The following MATR3 variants were observed in gnomAD, a reference collection of about 807,000 sequenced individuals.
MATR3 encodes matrin 3, also known as matrin-3.
A neutral mutation model predicts 85.5 loss-of-function variants in MATR3; 4 were observed. The observed-to-expected ratio is 0.05, with a 90% CI of 0.02 to 0.11. The LOEUF is 0.11. Among genes scored for constraint, MATR3 ranks in the 10% least tolerant of loss-of-function variants. MATR3 has a pLI of 1.00. For synonymous variants in MATR3, 336 were observed against 343.1 expected (o/e 0.98, Z 0.23); for missense variants, 685 against 1,016.1 (o/e 0.67, Z 4.43).
At chr5:139,299,259 A>G (rs1395631447) in intron 1 of MATR3, among the ~76,000 whole-genome samples, 6 of 152,240 alleles carry the variant, frequency 3.9e-5, no homozygotes, top group South Asian at 2.1e-4. Flanking sequence ...TTTTATTTAC[A>G]CAAGCATTGA....
intron 1 of MATR3, among the ~76,000 whole-genome samples, chr5:139,295,924 A>G (rs1754124809): frequency 1.3e-5 from 2 of 152,142 alleles, no homozygotes; most frequent in South Asian, 4.1e-4. Flanking sequence ...CCCAGGCTTA[A>G]GTAATCCTCC....
Position 139,321,057 on chromosome 5 carries a change from C to T in MATR3, c.1603-841C>T, listed in dbSNP as rs73255237. Among the ~76,000 whole-genome samples, 608 of 151,410 alleles carry T rather than the reference C, an allele frequency of 4.0e-3. 5 individuals are homozygous for T. The highest frequency in any genetic ancestry group is 0.014 in the African/African-American group (581 of 41,232). Reference sequence around the variant, plus strand: ...AGGCTGAGCCACCGCGCCCAGCCAGCTTATTACTTTTTTGCAGAGTGTATA... The same window carrying T: ...AGGCTGAGCCACCGCGCCCAGCCAGTTTATTACTTTTTTGCAGAGTGTATA... On this transcript the variant is annotated intron_variant, in intron 9 of 14. Coordinates refer to ENST00000394805, the MANE Select transcript of MATR3 (RefSeq NM_018834.6).
chr5:139,319,690 A>T (rs1287032851), intron 9 of MATR3, among the ~76,000 whole-genome samples, 189 bp downstream of exon 9: 1 of 151,808 alleles, frequency 6.6e-6, no homozygotes, highest in Non-Finnish European at 1.5e-5. Flanking sequence ...TCTATTAAAA[A>T]TACAAAAATT....
At chr5:139,282,587 T>A (rs897690441) in intron 3 of MATR3, among the ~76,000 whole-genome samples, 1 of 152,260 alleles carries the variant, frequency 6.6e-6, no homozygotes, top group African/African-American at 2.4e-5. Flanking sequence ...TTCCCATATA[T>A]ACCATACCCA....
rs199535878 is a variant in MATR3, at chr5:139,307,682, T to C, written c.267T>C (p.Ile89=). The change falls in exon 2 of 15, where the codon ATT becomes ATC. Residue 89 remains isoleucine, a synonymous_variant. Coordinates refer to ENST00000394805, the MANE Select transcript of MATR3 (RefSeq NM_018834.6). The surrounding 1 kb of genome is among the most constrained non-coding windows in gnomAD (Gnocchi z 4.4). The part of the protein sequence containing the change: ...SSHNLQSIFN[I]GSRGPLPLSS... ...ATAATTTGCAGTCTATATTTAACAT[T>C]GGAAGTAGAGGTCCACTCCCTTTAT... 11 of 1,614,050 alleles carry C rather than the reference T, an allele frequency of 6.8e-6. No individual in the cohort carries two copies. Among genetic ancestry groups the C allele is most frequent in the Non-Finnish European group, 2.5e-6 (3 of 1,180,024 alleles).
chr5:139,282,761 T>C (rs1753575522), intron 3 of MATR3: 1 of 152,240 alleles, frequency 6.6e-6, no homozygotes, highest in Non-Finnish European at 1.5e-5. Flanking sequence ...GATACCACAT[T>C]ACACTTAGGC....
At chr5:139,274,600 G>C (rs1021743966) in intron 1 of MATR3, among the ~76,000 whole-genome samples, 2 of 152,164 alleles carry the variant, frequency 1.3e-5, no homozygotes, top group Non-Finnish European at 2.9e-5. Flanking sequence ...GAAATTTGGG[G>C]ATGGCTGGAA....
At chr5:139,315,895 A>T (rs1184148920) in intron 4 of MATR3, 157 bp downstream of exon 4, 2 of 765,390 alleles carry the variant, frequency 2.6e-6, no homozygotes, top group East Asian at 5.4e-5. Context: ...TTTAGAATAT[A>T]TATTATGTAG....
rs1028418606 is a variant in MATR3 at position 139,316,941 on chromosome 5, A to T, written c.1130-112A>T. ...TTGCATGAAAAGTGATGGTAATCAT[A>T]TATTTGTAAGAGCTTTTCATTTGTG... On this transcript the variant is annotated intron_variant, in intron 5 of 14. Transcript: ENST00000394805. 2.9e-5 allele frequency: 23 copies of T among 805,770 alleles called. No homozygotes were observed. In the South Asian group the frequency reaches 3.4e-4, roughly 12 times the overall value. 49.9% of individuals were successfully genotyped at this position (805,770 alleles called of 1,614,324 possible).
chr5:139,284,338 C>T (rs766337565), intron 3 of MATR3, among the ~76,000 whole-genome samples: 13 of 152,190 alleles, frequency 8.5e-5, no homozygotes, highest in African/African-American at 1.4e-4. Context: ...TTTGGCCGGG[C>T]GCGGTTGCCT....
In MATR3 at chr5:139,307,707, T is replaced by G. The variant is rs1754779631; in HGVS notation, c.292T>G (p.Ser98Ala). The stretch of plus-strand genomic sequence containing the variant: ...TGGAAGTAGAGGTCCACTCCCTTTA[T>G]CTTCTCAACACCGTGGAGATGCAGA... ...NIGSRGPLPLSSQHRGDADQA... is the reference protein window; with the variant it reads ...NIGSRGPLPLASQHRGDADQA... The change falls in exon 2 of 15, where the codon TCT becomes GCT. Residue 98 changes from serine (S) to alanine (A), a missense_variant. Physicochemically the swap from Ser to Ala is moderately conservative, Grantham distance 99 (BLOSUM62 1). Transcript: ENST00000394805. The surrounding 1 kb of genome is among the most constrained non-coding windows in gnomAD (Gnocchi z 4.4). 6.2e-7 allele frequency: 1 copy of G among 1,614,142 alleles called. No homozygotes were observed. Among genetic ancestry groups the G allele is most frequent in the Non-Finnish European group, 8.5e-7 (1 of 1,180,014 alleles).
Position 139,309,276 on chromosome 5 carries a change from G to T in MATR3, c.912+949G>T, listed in dbSNP as rs1581236679. 5.9e-5 allele frequency among the ~76,000 whole-genome samples: 9 copies of T among 152,052 alleles called. No individual in the cohort carries two copies. The South Asian group carries it at 1.9e-3, about 31-fold the overall frequency. ...AAGTCATTGTTATAGCACCCCACTA[G>T]CTTGATCTATAATCTGTGACCGTCC... On this transcript the variant is annotated intron_variant, in intron 2 of 14. Transcript: ENST00000394805.
At chr5:139,327,655 A>T (rs1273663718) in intron 14 of MATR3, among the ~76,000 whole-genome samples, 1 of 152,172 alleles carries the variant, frequency 6.6e-6, no homozygotes, top group Non-Finnish European at 1.5e-5. Flanking sequence ...TCCCAGCTTC[A>T]GATGATCCTC....
Position 139,322,465 on chromosome 5 carries a change from T to G in MATR3, c.1737T>G (p.Ile579Met). Residue 579 changes from isoleucine (I) to methionine (M), a missense_variant and splice_region_variant, in exon 11 of 15, where the codon ATT becomes ATG. By Grantham distance (10) the Ile-to-Met change is conservative. Around this residue, in one of 9 missense-constraint regions of MATR3, gnomAD observed 50 missense variants for 133.4 expected, o/e 0.37. Transcript: ENST00000394805. ...TCTGCAAAACTTTTGTCTTTTAGAT[T>G]CCAAACAGAGGCATTGATTTACTGA... is the stretch of plus-strand genomic sequence containing the variant. ...SEKYKKLVLR[I>M]PNRGIDLLKK... 1.2e-6 allele frequency: 2 copies of G among 1,613,950 alleles called. No individual in the cohort carries two copies. The highest frequency in any genetic ancestry group is 1.7e-6 in the Non-Finnish European group (2 of 1,179,878).
chr5:139,303,686 A>ATGC, intron 1 of MATR3, among the ~76,000 whole-genome samples: 1 of 151,776 alleles, frequency 6.6e-6, no homozygotes, highest in South Asian at 2.1e-4. Flanking sequence ...AGCCTGGGCA[A>ATGC]TGCACTCCCA....
intron 3 of MATR3, chr5:139,314,997 T>C: frequency 2.4e-6 from 1 of 415,084 alleles, no homozygotes; most frequent in East Asian, 5.1e-5. Flanking sequence ...TGATTTTTAC[T>C]AGACATAGTG....
chr5:139,293,772 G>C lies in MATR3; in HGVS notation c.-211G>C. The C allele has an allele frequency of 2.5e-6, 1 of 392,978 alleles. No homozygotes were observed. The highest frequency in any genetic ancestry group is 4.5e-6 in the Non-Finnish European group (1 of 223,122). 24.3% of individuals were successfully genotyped at this position (392,978 alleles called of 1,614,324 possible). A position where few individuals can be genotyped will look rare whatever the true frequency, so the allele number is the denominator to read the frequency against. ...TCCGCGTCCCGCTCGCTGGGAGAGA[G>C]GTACCTCTCCTTTTCCCTCTCCCTT... is the stretch of plus-strand genomic sequence containing the variant. On this transcript the variant is annotated 5_prime_UTR_variant, in exon 1 of 15. Transcript: ENST00000394805.
intron 1 of MATR3, among the ~76,000 whole-genome samples, chr5:139,298,084 T>G (rs1355643564): frequency 6.6e-6 from 1 of 152,210 alleles, no homozygotes; most frequent in African/African-American, 2.4e-5. Flanking sequence ...TTATCTGCAT[T>G]TACTTCATGA....
At chr5:139,315,148 ATTTTT>A (rs576618521) in intron 3 of MATR3, 3 of 172,780 alleles carry the variant, frequency 1.7e-5, no homozygotes, top group Non-Finnish European at 2.4e-5. Flanking sequence ...TTGGTGATGA[ATTTTT>A]TTTTTTTTTT....
Sources: gnomAD v4.1 joint callset for allele counts (sites outside exome capture counted in the v4.1 genomes callset) on GRCh38, gnomAD v4.1.1 for gene constraint, gnomAD v4.1.1 regional missense constraint, Gnocchi (gnomAD v3.1) non-coding constraint, MANE v1.5 for transcripts, NCBI Gene and HGNC (gene_info 2026-07-23, HGNC 2026-07-21) for gene names.